MSRA: variants seen among roughly 807,000 people sequenced by gnomAD.
The protein encoded by MSRA is mitochondrial peptide methionine sulfoxide reductase.
A neutral mutation model predicts 31.3 loss-of-function variants in MSRA; 54 were observed. That is an observed-to-expected ratio of 1.73 (90% confidence interval 1.39 to 2.17). The LOEUF (loss-of-function observed/expected upper bound fraction) is 2.17, where lower values mean the gene tolerates loss of function less well. Among genes scored for constraint, MSRA ranks in the 30% most tolerant of loss-of-function variants. The pLI is 0.00. For missense variants in MSRA, 507 were observed against 300.9 expected (o/e 1.69, Z -5.07); for synonymous variants, 169 against 116.5 (o/e 1.45, Z -2.90).
At chr8:10,093,557 C>T (rs902710998) in intron 1 of MSRA, among the ~76,000 whole-genome samples, 1 of 152,074 alleles carries the variant, frequency 6.6e-6, no homozygotes, top group African/African-American at 2.4e-5. Context: ...ATGCTTTTGT[C>T]ATTTACATCA....
intron 5 of MSRA, among the ~76,000 whole-genome samples, chr8:10,342,974 T>C (rs1471117859): frequency 6.6e-6 from 1 of 150,848 alleles, no homozygotes; most frequent in Non-Finnish European, 1.5e-5. Context: ...CTGGGAAAAT[T>C]AAATGAGATA....
At chr8:10,351,193 C>T (rs2129158373) in intron 5 of MSRA, among the ~76,000 whole-genome samples, 1 of 151,628 alleles carries the variant, frequency 6.6e-6, no homozygotes, top group Admixed American at 6.6e-5. Context: ...CATCTCTTTC[C>T]CTCCCAAAAA....
At chr8:10,401,080 C>T (rs936043650) in intron 5 of MSRA, among the ~76,000 whole-genome samples, 5 of 139,280 alleles carry the variant, frequency 3.6e-5, no homozygotes, top group African/African-American at 5.2e-5. Flanking sequence ...AACTTTTACA[C>T]ATCAGTGGAC....
chr8:10,286,681 C>A (rs1412123933), intron 3 of MSRA, among the ~76,000 whole-genome samples: 1 of 152,206 alleles, frequency 6.6e-6, no homozygotes, highest in African/African-American at 2.4e-5. Flanking sequence ...CCTGTGTTTT[C>A]AGTGTTTGGG....
At chr8:10,080,785 T>A (rs1486486469) in intron 1 of MSRA, among the ~76,000 whole-genome samples, 1 of 151,920 alleles carries the variant, frequency 6.6e-6, no homozygotes, top group Non-Finnish European at 1.5e-5. Context: ...GCGATCCTCC[T>A]GCCTCGGCCT....
chr8:10,223,289 T>A (rs59290735), intron 2 of MSRA, among the ~76,000 whole-genome samples: 21,625 of 152,146 alleles, frequency 0.14, 1,700 homozygotes, highest in East Asian at 0.29. Context: ...TTCATGAGAG[T>A]TGAAGTTGAG....
chr8:10,374,884 A>C (rs1805671986), intron 5 of MSRA, among the ~76,000 whole-genome samples: 1 of 152,140 alleles, frequency 6.6e-6, no homozygotes, highest in South Asian at 2.1e-4. Context: ...CACGGTAATA[A>C]GGGAGTTCTC....
intron 1 of MSRA, among the ~76,000 whole-genome samples, chr8:10,200,936 G>A (rs1246953795): frequency 6.6e-6 from 1 of 152,156 alleles, no homozygotes; most frequent in Non-Finnish European, 1.5e-5. Flanking sequence ...CGCTCAGTCA[G>A]TGTCCTTGAG....
intron 1 of MSRA, among the ~76,000 whole-genome samples, chr8:10,170,610 A>G (rs1213124509): frequency 6.6e-6 from 1 of 152,236 alleles, no homozygotes; most frequent in African/African-American, 2.4e-5. Flanking sequence ...TTTGCAAAGC[A>G]TTTACATTGT....
At chr8:10,316,418 T>C (rs1216099991) in intron 4 of MSRA, among the ~76,000 whole-genome samples, 1 of 152,098 alleles carries the variant, frequency 6.6e-6, no homozygotes, top group Non-Finnish European at 1.5e-5. Context: ...GGCAGGGATA[T>C]GGGTTTACTA....
chr8:10,147,937 G>T (rs1050923679), intron 1 of MSRA, among the ~76,000 whole-genome samples: 1 of 152,168 alleles, frequency 6.6e-6, no homozygotes, highest in Non-Finnish European at 1.5e-5. Context: ...GCGGGAAAAC[G>T]ACTTTAGAGG....
At chr8:10,351,405 C>T (rs1485503239) in intron 5 of MSRA, among the ~76,000 whole-genome samples, 1 of 151,964 alleles carries the variant, frequency 6.6e-6, no homozygotes, top group African/African-American at 2.4e-5. Flanking sequence ...AGGCATGCGC[C>T]ACCACGCCTA....
At chr8:10,176,875 T>A (rs1189044283) in intron 1 of MSRA, among the ~76,000 whole-genome samples, 1 of 152,208 alleles carries the variant, frequency 6.6e-6, no homozygotes, top group East Asian at 1.9e-4. Context: ...TTATTTTCAA[T>A]AACCTGTATC....
At chr8:10,347,830 C>T (rs939934746) in intron 5 of MSRA, among the ~76,000 whole-genome samples, 1 of 152,180 alleles carries the variant, frequency 6.6e-6, no homozygotes, top group African/African-American at 2.4e-5. Flanking sequence ...TCCTCCCCTC[C>T]TTTCTGCTGC....
chr8:10,221,987 T>G (rs1156846858), intron 2 of MSRA, among the ~76,000 whole-genome samples: 1 of 151,970 alleles, frequency 6.6e-6, no homozygotes, highest in Non-Finnish European at 1.5e-5. Context: ...GAAGGGCAAT[T>G]CACAGGTAAT....
intron 5 of MSRA, among the ~76,000 whole-genome samples, chr8:10,346,915 G>GT (rs1227028909): frequency 1.3e-5 from 2 of 152,160 alleles, no homozygotes; most frequent in East Asian, 3.9e-4. Flanking sequence ...TGAAGGTTCT[G>GT]TTTTTATATA....
At chr8:10,063,296 C>A (rs1215240062) in intron 1 of MSRA, among the ~76,000 whole-genome samples, 1 of 152,184 alleles carries the variant, frequency 6.6e-6, no homozygotes, top group Admixed American at 6.5e-5. Context: ...TCACTCTCCC[C>A]TGCCTGAGCT....
intron 5 of MSRA, among the ~76,000 whole-genome samples, chr8:10,413,506 G>A (rs919291373): frequency 6.6e-6 from 1 of 152,084 alleles, no homozygotes; most frequent in Non-Finnish European, 1.5e-5. Flanking sequence ...AAAAAAATAT[G>A]TAACAAAGAA....
At chr8:10,294,080 T>G (rs1800397077) in intron 3 of MSRA, among the ~76,000 whole-genome samples, 1 of 152,162 alleles carries the variant, frequency 6.6e-6, no homozygotes, top group South Asian at 2.1e-4. Flanking sequence ...GGCATGCACC[T>G]ATAATCTCAG....
Sources: allele counts gnomAD v4.1 joint callset (sites outside exome capture counted in the v4.1 genomes callset), GRCh38; gene constraint gnomAD v4.1.1; transcripts MANE v1.5; gene names NCBI Gene and HGNC (gene_info 2026-07-23, HGNC 2026-07-21).